Variants in NKAIN2 observed in about 807,000 individuals in gnomAD.
NKAIN2 encodes sodium/potassium transporting ATPase interacting 2, also known as sodium/potassium-transporting ATPase subunit beta-1-interacting protein 2.
A neutral mutation model predicts 32.6 loss-of-function variants in NKAIN2; 14 were observed. The observed-to-expected ratio is 0.43, with a 90% CI of 0.28 to 0.67. NKAIN2 has a LOEUF of 0.67. NKAIN2 is among the 30% of genes least tolerant of loss of function. NKAIN2 has a pLI of 0.17. For missense variants in NKAIN2, 198 were observed against 258.3 expected (o/e 0.77, Z 1.60); for synonymous variants, 80 against 87.2 (o/e 0.92, Z 0.46).
intron 1 of NKAIN2, among the ~76,000 whole-genome samples, chr6:124,202,386 GT>G (rs942814998): frequency 6.6e-6 from 1 of 151,884 alleles, no homozygotes; most frequent in African/African-American, 2.4e-5. Flanking sequence ...GTCTAATTAT[GT>G]TTTTTATGCA....
At chr6:124,224,731 T>G (rs1267384865) in intron 1 of NKAIN2, among the ~76,000 whole-genome samples, 5 of 152,116 alleles carry the variant, frequency 3.3e-5, no homozygotes, top group Non-Finnish European at 7.4e-5. Context: ...GAAAATTGTT[T>G]CCTTAATACA....
chr6:123,912,672 C>T (rs1168346377), intron 1 of NKAIN2, among the ~76,000 whole-genome samples: 2 of 152,142 alleles, frequency 1.3e-5, no homozygotes, highest in Non-Finnish European at 2.9e-5. Flanking sequence ...GATGCCTACT[C>T]CCCTTCACCT....
intron 3 of NKAIN2, among the ~76,000 whole-genome samples, chr6:124,613,601 G>A (rs1756837114): frequency 6.6e-6 from 1 of 152,064 alleles, no homozygotes; most frequent in African/African-American, 2.4e-5. Flanking sequence ...AGCACTTAGG[G>A]CAGGAAAAAG....
intron 3 of NKAIN2, among the ~76,000 whole-genome samples, chr6:124,635,828 C>A (rs1280044226): frequency 6.6e-6 from 1 of 151,850 alleles, no homozygotes; most frequent in East Asian, 1.9e-4. Context: ...AAGTAGACTC[C>A]AATAAAATAA....
rs1263616103 is a variant in NKAIN2 at position 124,398,279 on chromosome 6, AAAAGAT to A, written c.273+42933_273+42938del. Reference sequence around the variant, plus strand: ...AAAAAAAAAAAAAAAAAAAAAAAAAAAAAGATGAGCCCAAATTACAGAATCTCAAAT... The same window carrying A: ...AAAAAAAAAAAAAAAAAAAAAAAAAAGAGCCCAAATTACAGAATCTCAAAT... On this transcript the variant is annotated intron_variant, in intron 3 of 6. Coordinates refer to ENST00000368417, the MANE Select transcript of NKAIN2 (RefSeq NM_001040214.3). Among the ~76,000 whole-genome samples, 155 of 139,446 alleles carry A rather than the reference AAAAGAT, an allele frequency of 1.1e-3. 4 individuals carry two copies. The highest frequency in any genetic ancestry group is 3.7e-3 in the Middle Eastern group (1 of 268). The allele number at this position is 139,446 out of a possible 152,430, so 91.5% of individuals were successfully genotyped here. A position where few individuals can be genotyped will look rare whatever the true frequency, so the allele number is the denominator to read the frequency against.
At chr6:123,840,508 T>C (rs926256596) in intron 1 of NKAIN2, among the ~76,000 whole-genome samples, 22 of 152,130 alleles carry the variant, frequency 1.4e-4, no homozygotes, top group African/African-American at 4.3e-4. Context: ...ATGATTTACA[T>C]TGAAGAAAAA....
chr6:124,118,593 T>TGTAGGC (rs978841515), intron 1 of NKAIN2, among the ~76,000 whole-genome samples: 39 of 152,132 alleles, frequency 2.6e-4, no homozygotes, highest in African/African-American at 9.2e-4. Context: ...TAAAAATTAT[T>TGTAGGC]GTAGGCATTC....
intron 1 of NKAIN2, among the ~76,000 whole-genome samples, chr6:123,909,989 A>AT (rs898562195): frequency 6.6e-6 from 1 of 152,096 alleles, no homozygotes; most frequent in Non-Finnish European, 1.5e-5. Flanking sequence ...AAAGTCTGCC[A>AT]TAAAAAAAAA....
At chr6:124,515,943 C>T (rs997245096) in intron 3 of NKAIN2, among the ~76,000 whole-genome samples, 1 of 152,110 alleles carries the variant, frequency 6.6e-6, no homozygotes, top group African/African-American at 2.4e-5. Context: ...AATTAATGCA[C>T]TTTTAAATAT....
intron 2 of NKAIN2, among the ~76,000 whole-genome samples, chr6:124,348,326 C>G (rs1259730616): frequency 1.3e-5 from 2 of 152,172 alleles, no homozygotes; most frequent in Non-Finnish European, 2.9e-5. Flanking sequence ...TCTCAGATCT[C>G]CAGCTGCGTG....
At chr6:124,118,265 G>A (rs35900954) in intron 1 of NKAIN2, among the ~76,000 whole-genome samples, 4,744 of 151,936 alleles carry the variant, frequency 0.031, 114 homozygotes, top group Non-Finnish European at 0.047. Flanking sequence ...TGCACACATT[G>A]CAATAACATA....
intron 1 of NKAIN2, among the ~76,000 whole-genome samples, chr6:123,843,452 G>A (rs1342744396): frequency 1.3e-5 from 2 of 152,060 alleles, no homozygotes; most frequent in African/African-American, 4.8e-5. Flanking sequence ...CTTCTCTGCC[G>A]AGCCACTCTG....
chr6:123,870,159 T>G (rs1772794997), intron 1 of NKAIN2, among the ~76,000 whole-genome samples: 1 of 152,108 alleles, frequency 6.6e-6, no homozygotes, highest in Non-Finnish European at 1.5e-5. Flanking sequence ...AAATTCTTGC[T>G]CTTATTGAGT....
chr6:123,957,259 A>T (rs1316991795), intron 1 of NKAIN2, among the ~76,000 whole-genome samples: 1 of 152,220 alleles, frequency 6.6e-6, no homozygotes, highest in Non-Finnish European at 1.5e-5. Flanking sequence ...CACCTCACTG[A>T]TACTTAACTT....
chr6:124,146,624 A>G (rs1036238575), intron 1 of NKAIN2, among the ~76,000 whole-genome samples: 1 of 152,224 alleles, frequency 6.6e-6, no homozygotes, highest in African/African-American at 2.4e-5. Context: ...ATCAGTTCAC[A>G]TTAGCATGAA....
intron 1 of NKAIN2, among the ~76,000 whole-genome samples, chr6:124,089,963 A>G (rs981460078): frequency 2.6e-5 from 4 of 151,956 alleles, no homozygotes; most frequent in East Asian, 1.9e-4. Context: ...CCAGTTTGCT[A>G]TAGTACATGT....
At chr6:123,983,639 C>T (rs899431541) in intron 1 of NKAIN2, among the ~76,000 whole-genome samples, 4 of 152,124 alleles carry the variant, frequency 2.6e-5, no homozygotes, top group African/African-American at 9.7e-5. Context: ...TATTTCCACA[C>T]TACCCCCCCA....
chr6:124,634,355 A>T (rs185421962), intron 3 of NKAIN2, among the ~76,000 whole-genome samples: 1 of 152,318 alleles, frequency 6.6e-6, no homozygotes, highest in African/African-American at 2.4e-5. Context: ...AAACAAAATT[A>T]GGCAAGCAAT....
At chr6:124,798,063 T>TTATCTATCTATC (rs35465154) in intron 5 of NKAIN2, among the ~76,000 whole-genome samples, 9 of 148,488 alleles carry the variant, frequency 6.1e-5, no homozygotes, top group South Asian at 2.2e-4. Context: ...TATCTATCTA[T>TTATCTATCTATC]TATCTATCTA....
Sources: gnomAD v4.1 joint callset for allele counts (sites outside exome capture counted in the v4.1 genomes callset) on GRCh38, gnomAD v4.1.1 for gene constraint, MANE v1.5 for transcripts, NCBI Gene and HGNC (gene_info 2026-07-23, HGNC 2026-07-21) for gene names.